Variants in ZNF721 observed in about 807,000 individuals in gnomAD.
ZNF721 encodes zinc finger protein 721.
In ZNF721, 2 loss-of-function variants were observed where a neutral mutation model predicts 2.4. That is an observed-to-expected ratio of 0.82 (90% CI 0.34 to 2.58). The LOEUF is 2.58. Among genes scored for constraint, ZNF721 ranks in the 30% most tolerant of loss-of-function variants. The pLI is 0.11. For synonymous variants in ZNF721, 398 were observed against 381.8 expected (o/e 1.04, Z -0.50); for missense variants, 1,187 against 1,085.5 (o/e 1.09, Z -1.31).
chr4:450,056 CAAAT>C (rs1714601409), intron 2 of ZNF721, among the ~76,000 whole-genome samples: 1 of 152,204 alleles, frequency 6.6e-6, no homozygotes, highest in Non-Finnish European at 1.5e-5. Context: ...CTTGCCTACA[CAAAT>C]AAACTGTGGA....
At position 472,588 on chromosome 4, in the gene ZNF721, G is replaced by A; in HGVS notation, c.21C>T (p.Asn7=). The A allele has an allele frequency of 1.9e-6, 3 of 1,612,688 alleles. No individual in the cohort carries two copies. The highest frequency in any genetic ancestry group is 2.5e-6 in the Non-Finnish European group (3 of 1,179,710). The part of the protein sequence containing the change: MLENYR[N]LVSLAMCSHF... ...AGTTATCCTCACCTAGGGAGACCAG[G>A]TTTCTGTAGTTCTCCAACATCACAT... Residue 7 remains asparagine (N), a synonymous_variant, in exon 2 of 3, where the codon AAC becomes AAT. Transcript: ENST00000511833.
At chr4:487,895 G>A (rs1477332624) in intron 1 of ZNF721, among the ~76,000 whole-genome samples, 3 of 152,160 alleles carry the variant, frequency 2.0e-5, no homozygotes, top group Non-Finnish European at 2.9e-5. Flanking sequence ...GATCGAAGGC[G>A]ACTGTCACTA....
At chr4:487,140 C>G (rs1715916569) in intron 1 of ZNF721, among the ~76,000 whole-genome samples, 3 of 152,180 alleles carry the variant, frequency 2.0e-5, no homozygotes, top group African/African-American at 7.2e-5. Context: ...TGAAAAATTT[C>G]TTATTGTATT....
At chr4:477,683 G>A (rs1187223610) in intron 1 of ZNF721, among the ~76,000 whole-genome samples, 3 of 152,052 alleles carry the variant, frequency 2.0e-5, no homozygotes, top group South Asian at 2.1e-4. Flanking sequence ...AAGAGCCCCT[G>A]GGGAAAGAAA....
At chr4:489,714 C>T (rs1252432826) in intron 1 of ZNF721, among the ~76,000 whole-genome samples, 2 of 152,190 alleles carry the variant, frequency 1.3e-5, no homozygotes, top group African/African-American at 4.8e-5. Context: ...ACATGTGTAG[C>T]TACTGGGGAG....
intron 2 of ZNF721, among the ~76,000 whole-genome samples, chr4:462,901 A>C (rs1020070899): frequency 1.3e-4 from 20 of 152,224 alleles, no homozygotes; most frequent in Non-Finnish European, 2.6e-4. Flanking sequence ...AAATTGACAA[A>C]AGGGACCTAA....
rs576339476 is a variant in ZNF721 at position 442,879 on chromosome 4, T to C, written c.1588A>G (p.Thr530Ala). 8.1e-6 allele frequency: 13 copies of C among 1,613,954 alleles called. No homozygotes were observed. The African/African-American group carries it at 1.6e-4, about 20-fold the overall frequency. The change falls in exon 3 of 3, where the codon ACA becomes GCA. Residue 530 changes from threonine to alanine, a missense_variant. By Grantham distance (58) the Thr-to-Ala change is moderately conservative. Coordinates refer to ENST00000511833, the MANE Select transcript of ZNF721 (RefSeq NM_133474.4). ...AAGGCTTTGCCACATACTTCACATG[T>C]GTAGGGTTTCTCTCCAGTATGAATT... ...RRIHTGEKPY[T>A]CEVCGKAFRQ...
At chr4:496,200 C>A (rs1345686756) in intron 1 of ZNF721, among the ~76,000 whole-genome samples, 1 of 152,066 alleles carries the variant, frequency 6.6e-6, no homozygotes, top group Admixed American at 6.6e-5. Flanking sequence ...GCCTTGTTCC[C>A]ATAATTTAGA....
In ZNF721 at chr4:473,034, T is replaced by C. The variant is rs1033559526; in HGVS notation, c.-93-333A>G. Reference sequence around the variant, plus strand: ...GCTTGACCTTGGCCTTGCTATAATATGCGAGGAACTTAATTTAAAAAACAG... The same window carrying C: ...GCTTGACCTTGGCCTTGCTATAATACGCGAGGAACTTAATTTAAAAAACAG... On this transcript the variant is annotated intron_variant, in intron 1 of 2. Transcript: ENST00000511833. Among the ~76,000 whole-genome samples the C allele has an allele frequency of 2.0e-5, 3 of 152,140 alleles. No individual in the cohort carries two copies. The South Asian group carries it at 6.2e-4, about 32-fold the overall frequency.
Position 441,862 on chromosome 4 carries a change from CTCCACATGTGTA to C in ZNF721, c.2593_2604del (p.Tyr865_Gly868del), listed in dbSNP as rs782688127. On this transcript the variant is annotated inframe_deletion, in exon 3 of 3. Transcript: ENST00000511833. ...GACTGTCTAAAGGTTTTGCCACATT[CTCCACATGTGTA>C]GGGTTTCTCTCCAGTATGAATTCTC... 18 of 1,614,066 alleles carry C rather than the reference CTCCACATGTGTA, an allele frequency of 1.1e-5. No homozygotes were observed. In the East Asian group the frequency reaches 2.5e-4, roughly 22 times the overall value.
At chr4:451,859 C>G (rs1256560261) in intron 2 of ZNF721, among the ~76,000 whole-genome samples, 1 of 152,176 alleles carries the variant, frequency 6.6e-6, no homozygotes, top group East Asian at 1.9e-4. Context: ...TCCCCTAGTT[C>G]TCTCCCTTGG....
intron 1 of ZNF721, among the ~76,000 whole-genome samples, chr4:496,914 G>A (rs1418339706): frequency 2.0e-5 from 3 of 151,178 alleles, no homozygotes; most frequent in East Asian, 2.0e-4. Flanking sequence ...GGGTTTCACC[G>A]TGTTAGCCAG....
chr4:483,979 T>C (rs1553869883), intron 1 of ZNF721, among the ~76,000 whole-genome samples: 1 of 152,042 alleles, frequency 6.6e-6, no homozygotes, highest in African/African-American at 2.4e-5. Context: ...ACTCAGCTGA[T>C]TTTTGTATTT....
rs1215944087 is a variant in ZNF721, at chr4:472,644, G to A, written c.-36C>T. ...TACAAATTCTGCTGGGCAGGGTCCA[G>A]GCATTTCCACTCTTCTGGAGAGAAT... On this transcript the variant is annotated 5_prime_UTR_variant, in exon 2 of 3. Transcript: ENST00000511833. 2 of 1,613,862 alleles carry A rather than the reference G, an allele frequency of 1.2e-6. No homozygotes were observed. Among genetic ancestry groups the A allele is most frequent in the Non-Finnish European group, 1.7e-6 (2 of 1,180,012 alleles).
chr4:484,185 G>C (rs1422691303), intron 1 of ZNF721, among the ~76,000 whole-genome samples: 1 of 152,070 alleles, frequency 6.6e-6, no homozygotes, highest in Non-Finnish European at 1.5e-5. Context: ...AAATTGTAAA[G>C]ATTTCATGGA....
chr4:443,300 G>A lies in ZNF721; in HGVS notation c.1167C>T (p.Tyr389=). Residue 389 remains tyrosine (Y), a synonymous_variant, in exon 3 of 3, where the codon TAC becomes TAT. Transcript: ENST00000511833. ...AGGCTTTGCCACACTCTTCACATTTGTAAGGTTTCTCTCCAGTATGAATTT... is the reference window on the plus strand; with the variant it reads ...AGGCTTTGCCACACTCTTCACATTTATAAGGTTTCTCTCCAGTATGAATTT... The part of the protein sequence containing the change: ...HKKIHTGEKP[Y]KCEECGKAFN... The A allele has an allele frequency of 6.2e-7, 1 of 1,614,080 alleles. No individual in the cohort carries two copies. Among genetic ancestry groups the A allele is most frequent in the Non-Finnish European group, 8.5e-7 (1 of 1,179,984 alleles).
At chr4:471,634 C>G (rs1419816581) in intron 2 of ZNF721, among the ~76,000 whole-genome samples, 3 of 151,754 alleles carry the variant, frequency 2.0e-5, no homozygotes, top group Admixed American at 1.3e-4. Context: ...TAAGGAGAAA[C>G]CTAATGCTAA....
intron 2 of ZNF721, among the ~76,000 whole-genome samples, chr4:445,433 A>G (rs1460081917): frequency 1.3e-5 from 2 of 152,216 alleles, no homozygotes; most frequent in Non-Finnish European, 2.9e-5. Context: ...ATCATGACAA[A>G]GCAACATAAT....
At chr4:467,576 T>C (rs1228490477) in intron 2 of ZNF721, among the ~76,000 whole-genome samples, 1 of 152,204 alleles carries the variant, frequency 6.6e-6, no homozygotes, top group Non-Finnish European at 1.5e-5. Flanking sequence ...CCCATAGACA[T>C]GGCTACAGAC....
Sources: gnomAD v4.1 joint callset for allele counts (sites outside exome capture counted in the v4.1 genomes callset) on GRCh38, gnomAD v4.1.1 for gene constraint, MANE v1.5 for transcripts, NCBI Gene and HGNC (gene_info 2026-07-23, HGNC 2026-07-21) for gene names.